The following SOX5 variants were observed in gnomAD, a reference collection of about 807,000 sequenced individuals.
SOX5 encodes transcription factor SOX-5.
A neutral mutation model predicts 92.0 loss-of-function variants in SOX5; 9 were observed. The ratio of observed to expected loss-of-function variants is 0.10; its 90% CI spans 0.06 to 0.17. The LOEUF is 0.17. SOX5 is among the 10% of genes least tolerant of loss of function. The pLI is 1.00. For synonymous variants in SOX5, 344 were observed against 336.3 expected (o/e 1.02, Z -0.25); for missense variants, 642 against 944.5 (o/e 0.68, Z 4.20).
intron 1 of SOX5, among the ~76,000 whole-genome samples, chr12:23,948,298 C>G (rs1185691668): frequency 6.6e-6 from 1 of 151,610 alleles, no homozygotes; most frequent in Admixed American, 6.6e-5. Context: ...ACTTTCTTCC[C>G]TGATTTGATA....
intron 2 of SOX5, among the ~76,000 whole-genome samples, chr12:24,295,943 G>GT (rs1204137098): frequency 2.0e-5 from 3 of 152,068 alleles, no homozygotes; most frequent in Non-Finnish European, 4.4e-5. Flanking sequence ...CAGGACCTGT[G>GT]TGCGGTATAA....
intron 1 of SOX5, among the ~76,000 whole-genome samples, chr12:24,475,311 T>C (rs1266812528): frequency 6.6e-6 from 1 of 152,202 alleles, no homozygotes; most frequent in Non-Finnish European, 1.5e-5. Flanking sequence ...ATTTAGTATA[T>C]TAAACATCCA....
intron 2 of SOX5, among the ~76,000 whole-genome samples, chr12:23,864,218 A>G (rs1176114141): frequency 1.3e-5 from 2 of 152,068 alleles, no homozygotes; most frequent in Non-Finnish European, 2.9e-5. Context: ...AACTTAGTAA[A>G]TGCTGTATGT....
At chr12:23,810,605 T>C (rs2095859961) in intron 3 of SOX5, among the ~76,000 whole-genome samples, 1 of 152,284 alleles carries the variant, frequency 6.6e-6, no homozygotes, top group East Asian at 1.9e-4. Context: ...GAGCCAGAAT[T>C]GTGTCGCTTT....
chr12:23,850,428 C>CAAAAAAA (rs1377680790), intron 2 of SOX5, among the ~76,000 whole-genome samples: 1 of 70,484 alleles, frequency 1.4e-5, no homozygotes, highest in African/African-American at 4.5e-5. Context: ...ACTCTGTCTA[C>CAAAAAAA]AAAAAAAAAA....
intron 4 of SOX5, among the ~76,000 whole-genome samples, chr12:24,071,000 G>A (rs576493693): frequency 1.3e-5 from 2 of 152,300 alleles, no homozygotes; most frequent in South Asian, 4.1e-4. Context: ...CAAACATTAT[G>A]CTGGAAATTT....
intron 4 of SOX5, among the ~76,000 whole-genome samples, chr12:24,019,326 T>C (rs17481131): frequency 0.13 from 19,972 of 152,182 alleles, 1,823 homozygotes; most frequent in Non-Finnish European, 0.2. Context: ...AGATAACATA[T>C]AGACATCTCT....
chr12:24,041,295 G>GT (rs1368141260), intron 4 of SOX5, among the ~76,000 whole-genome samples: 1 of 152,046 alleles, frequency 6.6e-6, no homozygotes, highest in Non-Finnish European at 1.5e-5. Context: ...TATTCATATA[G>GT]TTTCAGTGTC....
At chr12:24,285,865 T>A (rs751461010) in intron 2 of SOX5, among the ~76,000 whole-genome samples, 2 of 152,196 alleles carry the variant, frequency 1.3e-5, no homozygotes, top group African/African-American at 2.4e-5. Context: ...ATGTGCTTAA[T>A]AATTAACGGA....
At chr12:24,507,650 G>A (rs1948922323) in intron 1 of SOX5, among the ~76,000 whole-genome samples, 1 of 152,010 alleles carries the variant, frequency 6.6e-6, no homozygotes, top group Non-Finnish European at 1.5e-5. Flanking sequence ...ATAATCTCAG[G>A]GAATTACTGT....
chr12:23,848,964 G>T (rs1435697757), intron 2 of SOX5, among the ~76,000 whole-genome samples: 1 of 152,056 alleles, frequency 6.6e-6, no homozygotes, highest in Non-Finnish European at 1.5e-5. Flanking sequence ...AATAGAAAAA[G>T]GATCTGCCTA....
At chr12:24,182,108 A>G (rs890851627) in intron 4 of SOX5, among the ~76,000 whole-genome samples, 2 of 152,212 alleles carry the variant, frequency 1.3e-5, no homozygotes, top group East Asian at 1.9e-4. Flanking sequence ...CCAAATTTTT[A>G]GAGATAATAG....
At chr12:23,673,419 G>C (rs2085125166) in intron 6 of SOX5, among the ~76,000 whole-genome samples, 1 of 152,012 alleles carries the variant, frequency 6.6e-6, no homozygotes, top group Admixed American at 6.6e-5. Context: ...CTGTTAATGT[G>C]AACAGAATCA....
chr12:24,304,259 C>G (rs566797912), intron 2 of SOX5, among the ~76,000 whole-genome samples: 1 of 152,190 alleles, frequency 6.6e-6, no homozygotes, highest in South Asian at 2.1e-4. Flanking sequence ...TACAATTCTT[C>G]TAAGAAATGG....
intron 3 of SOX5, among the ~76,000 whole-genome samples, chr12:24,260,023 G>C (rs944002797): frequency 6.6e-6 from 1 of 152,194 alleles, no homozygotes; most frequent in Non-Finnish European, 1.5e-5. Context: ...CAAGCACAAA[G>C]AGATGTAGAA....
chr12:24,362,166 G>A (rs1464758297), intron 2 of SOX5, among the ~76,000 whole-genome samples: 1 of 152,216 alleles, frequency 6.6e-6, no homozygotes, highest in Non-Finnish European at 1.5e-5. Context: ...ATGTGCATAT[G>A]TATATTCTTT....
intron 1 of SOX5, among the ~76,000 whole-genome samples, chr12:24,394,807 T>C (rs551089097): frequency 4.4e-4 from 67 of 152,352 alleles, no homozygotes; most frequent in Non-Finnish European, 8.5e-4. Context: ...CCAAAGGGCA[T>C]CATTTCGAAA....
intron 2 of SOX5, among the ~76,000 whole-genome samples, chr12:23,882,825 T>C (rs1212290465): frequency 1.3e-5 from 2 of 152,168 alleles, no homozygotes; most frequent in African/African-American, 2.4e-5. Flanking sequence ...GAGACATTCA[T>C]GAATTCATCC....
intron 1 of SOX5, among the ~76,000 whole-genome samples, chr12:24,384,547 G>A (rs781451907): frequency 3.9e-5 from 6 of 152,126 alleles, no homozygotes; most frequent in Non-Finnish European, 1.5e-5. Context: ...CTTGACTTAA[G>A]AGAAAAAAAT....
Sources: gnomAD v4.1 joint callset for allele counts (sites outside exome capture counted in the v4.1 genomes callset) on GRCh38, gnomAD v4.1.1 for gene constraint, MANE v1.5 for transcripts, NCBI Gene and HGNC (gene_info 2026-07-23, HGNC 2026-07-21) for gene names.